TMCO5A: variants seen among roughly 807,000 people sequenced by gnomAD.
The protein encoded by TMCO5A is transmembrane and coiled-coil domains 5A, also known as transmembrane and coiled-coil domain-containing protein 5A.
Under a neutral mutation model 42.3 loss-of-function variants are expected in TMCO5A, and 34 were observed. That is an observed-to-expected ratio of 0.80 (90% confidence interval 0.61 to 1.07). TMCO5A has a LOEUF of 1.07. Among genes scored for constraint, TMCO5A ranks in the 50% least tolerant of loss-of-function variants. The pLI is 0.00. For synonymous variants in TMCO5A, 131 were observed against 115.6 expected (o/e 1.13, Z -0.86); for missense variants, 357 against 327.9 (o/e 1.09, Z -0.69).
At chr15:37,956,336 G>C (rs943541170), downstream of TMCO5A, among the ~76,000 whole-genome samples, 2 of 152,020 alleles carry the variant, frequency 1.3e-5, no homozygotes, top group Admixed American at 1.3e-4. Context: ...CAACAAAATA[G>C]ATAGACCACT....
At chr15:37,962,371 C>G (rs145681309) in intron 11 of TMCO5A, among the ~76,000 whole-genome samples, 16,742 of 152,160 alleles carry the variant, frequency 0.11, 1,173 homozygotes, top group Non-Finnish European at 0.15. Context: ...ACCATCTCTG[C>G]ATCCCTGGTA....
chr15:37,981,999 C>G, the TMCO5A span, among the ~76,000 whole-genome samples: 1 of 152,208 alleles, frequency 6.6e-6, no homozygotes, highest in South Asian at 2.1e-4. Context: ...GGCCACTATT[C>G]CATGACACTT....
chr15:38,031,898 C>G, the TMCO5A span, among the ~76,000 whole-genome samples: 1 of 152,120 alleles, frequency 6.6e-6, no homozygotes, highest in African/African-American at 2.4e-5. Context: ...ATGCCAGGCC[C>G]CCTCTGGCCT....
the TMCO5A span, among the ~76,000 whole-genome samples, chr15:37,988,774 C>A: frequency 6.6e-6 from 1 of 151,966 alleles, no homozygotes; most frequent in Non-Finnish European, 1.5e-5. Context: ...GATTTTGCAT[C>A]AATGTTCATA....
At chr15:37,961,263 AT>A (rs1890420293) in intron 11 of TMCO5A, among the ~76,000 whole-genome samples, 1 of 152,136 alleles carries the variant, frequency 6.6e-6, no homozygotes, top group African/African-American at 2.4e-5. Flanking sequence ...ACATGTGGCT[AT>A]CCAATTATCC....
intron 2 of TMCO5A, chr15:37,936,029 T>G: frequency 4.2e-6 from 1 of 239,212 alleles, no homozygotes; most frequent in Non-Finnish European, 8.0e-6. Context: ...CGCAAGGGGT[T>G]ATTTAAGGAA....
At chr15:38,016,864 T>C in the TMCO5A span, among the ~76,000 whole-genome samples, 1 of 152,184 alleles carries the variant, frequency 6.6e-6, no homozygotes, top group Non-Finnish European at 1.5e-5. Flanking sequence ...AAGTTTGTTG[T>C]TGCTGTTGTT....
At chr15:37,969,948 TG>T (rs2140830243), downstream of TMCO5A, among the ~76,000 whole-genome samples, 1 of 152,326 alleles carries the variant, frequency 6.6e-6, no homozygotes, top group African/African-American at 2.4e-5. Context: ...GTTGATTCCA[TG>T]TCTTTGCTAT....
intron 9 of TMCO5A, 116 bp downstream of exon 9, chr15:37,942,371 A>C (rs2140268422): frequency 1.1e-6 from 1 of 932,412 alleles, no homozygotes; most frequent in East Asian, 2.4e-5. Context: ...CCGACGCCAC[A>C]TATCTTTGCC....
chr15:37,982,279 T>G, the TMCO5A span, among the ~76,000 whole-genome samples: 1 of 151,958 alleles, frequency 6.6e-6, no homozygotes, highest in Non-Finnish European at 1.5e-5. Flanking sequence ...CTCAGTGAAT[T>G]TCTTTATGAG....
At chr15:37,978,125 C>T in the TMCO5A span, among the ~76,000 whole-genome samples, 3 of 152,334 alleles carry the variant, frequency 2.0e-5, no homozygotes, top group African/African-American at 4.8e-5. Context: ...GGAACGGGAA[C>T]GTTAAGCCAA....
the TMCO5A span, among the ~76,000 whole-genome samples, chr15:38,039,440 T>G: frequency 6.6e-6 from 1 of 152,228 alleles, no homozygotes; most frequent in Non-Finnish European, 1.5e-5. Context: ...CCCTAATAAA[T>G]AGTAGCTCTC....
the TMCO5A span, among the ~76,000 whole-genome samples, chr15:38,039,178 G>A: frequency 6.6e-6 from 1 of 152,192 alleles, no homozygotes; most frequent in Non-Finnish European, 1.5e-5. Context: ...AATTCTGAGT[G>A]TAGGGCTGTT....
chr15:37,936,245 C>T (rs572832502), intron 2 of TMCO5A, 69 bp from the exon 3 acceptor site: 3 of 1,535,506 alleles, frequency 2.0e-6, no homozygotes, highest in African/African-American at 1.4e-5. Flanking sequence ...TCTAAATACC[C>T]TTTTTGGCCT....
chr15:37,993,992 A>G, the TMCO5A span, among the ~76,000 whole-genome samples: 1 of 152,208 alleles, frequency 6.6e-6, no homozygotes. Context: ...AGGAAGACAG[A>G]TTCCTGGTGC....
the TMCO5A span, among the ~76,000 whole-genome samples, chr15:38,014,426 TTCC>T: frequency 6.6e-6 from 1 of 152,148 alleles, no homozygotes; most frequent in Non-Finnish European, 1.5e-5. Context: ...AAAATTTTGT[TTCC>T]TCAACTTTAA....
the TMCO5A span, among the ~76,000 whole-genome samples, chr15:38,012,078 C>T: frequency 1.3e-5 from 2 of 151,052 alleles, no homozygotes; most frequent in African/African-American, 2.4e-5. Flanking sequence ...GAGCCAAGAT[C>T]GCGCCACTGC....
At chr15:38,014,856 TATATATATATATATATA>T in the TMCO5A span, among the ~76,000 whole-genome samples, 6 of 44,384 alleles carry the variant, frequency 1.4e-4, no homozygotes, top group African/African-American at 2.9e-4. Context: ...AGAAAGATTA[TATATATATATATATATA>T]TATATATATA....
At chr15:38,021,037 G>A in the TMCO5A span, among the ~76,000 whole-genome samples, 47 of 152,130 alleles carry the variant, frequency 3.1e-4, no homozygotes, top group Non-Finnish European at 6.0e-4. Flanking sequence ...TTTGCATTCC[G>A]GGTATTTAAA....
Sources: allele counts gnomAD v4.1 joint callset (sites outside exome capture counted in the v4.1 genomes callset), GRCh38; gene constraint gnomAD v4.1.1; transcripts MANE v1.5; gene names NCBI Gene and HGNC (gene_info 2026-07-23, HGNC 2026-07-21).